ITIH2: variants seen among roughly 807,000 people sequenced by gnomAD.
ITIH2 encodes the protein inter-alpha-trypsin inhibitor heavy chain 2.
ITIH2 carries 103 observed loss-of-function variants against 104.4 expected under a neutral mutation model. The observed-to-expected ratio is 0.99, with a 90% confidence interval of 0.84 to 1.16. The LOEUF is 1.16. ITIH2 is among the 50% of genes most tolerant of loss of function. The pLI is 0.00. For synonymous variants in ITIH2, 436 were observed against 435.4 expected, an observed-to-expected ratio of 1.00 and a Z score of -0.02; for missense variants, 1,108 against 1,162.4, an observed-to-expected ratio of 0.95 and a Z score of 0.68.
In ITIH2 at chr10:7,749,513, A is replaced by G. The variant is rs1251526703; in HGVS notation, c.*179A>G. 1 of 519,666 alleles carries G rather than the reference A, an allele frequency of 1.9e-6. No homozygotes were observed. The highest frequency in any genetic ancestry group is 1.9e-5 in the African/African-American group (1 of 52,206). The allele number at this position is 519,666 out of a possible 1,614,324, so 32.2% of individuals were successfully genotyped here. A position where few individuals can be genotyped will look rare whatever the true frequency, so the allele number is the denominator to read the frequency against. On this transcript the variant is annotated 3_prime_UTR_variant, in exon 21 of 21. Transcript: ENST00000358415. ...ACACACCTAAGAAAATAAACATTTT[A>G]CAAATGAGCTTTTAGGATTTTGTTG...
In ITIH2 at chr10:7,719,782, A is replaced by AAAAAAAAC. The variant is rs754890159; in HGVS notation, c.631-1073_631-1072insAAAAAACA. ...TCTCAAAAAAAAAAAAAAAAAAAAAAAGAAAGAAAGAAAAGAAAAAATAGC... is the reference window on the plus strand; with the variant it reads ...TCTCAAAAAAAAAAAAAAAAAAAAAAAAAAAAACAGAAAGAAAGAAAAGAAAAAATAGC... On this transcript the variant is annotated intron_variant, in intron 6 of 20. Transcript: ENST00000358415. 1.6e-4 allele frequency among the ~76,000 whole-genome samples: 22 copies of AAAAAAAAC among 137,146 alleles called. 1 individual carries two copies. The highest frequency in any genetic ancestry group is 6.0e-4 in the African/African-American group (21 of 34,946). The allele number at this position is 137,146 out of a possible 152,430, so 90.0% of individuals were successfully genotyped here. A position where few individuals can be genotyped will look rare whatever the true frequency, so the allele number is the denominator to read the frequency against.
intron 4 of ITIH2, among the ~76,000 whole-genome samples, chr10:7,711,397 G>T (rs191642998): frequency 6.6e-6 from 1 of 152,102 alleles, no homozygotes; most frequent in African/African-American, 2.4e-5. Flanking sequence ...ATCTCCCTCT[G>T]CTCTGAGCTG....
At chr10:7,731,021 C>T (rs532210521) in intron 12 of ITIH2, among the ~76,000 whole-genome samples, 9 of 152,248 alleles carry the variant, frequency 5.9e-5, no homozygotes, top group South Asian at 2.1e-4. Context: ...TGGGTTCAGG[C>T]GATTCTCGCA....
intron 3 of ITIH2, among the ~76,000 whole-genome samples, chr10:7,708,608 A>T (rs1471577135): frequency 6.6e-6 from 1 of 152,152 alleles, no homozygotes; most frequent in Non-Finnish European, 1.5e-5. Flanking sequence ...TGTGACCCCT[A>T]CTAAAGATAC....
chr10:7,729,720 GT>G, intron 11 of ITIH2: 1 of 422,980 alleles, frequency 2.4e-6, no homozygotes, highest in Non-Finnish European at 4.2e-6. Flanking sequence ...TATTTATGTT[GT>G]TTCCAATATG....
chr10:7,738,558 T>C, intron 15 of ITIH2, 63 bp from the exon 16 acceptor site: 1 of 1,585,730 alleles, frequency 6.3e-7, no homozygotes, highest in South Asian at 1.1e-5. Context: ...ATTCTTGACA[T>C]GGTGAGCAAT....
At chr10:7,717,811 G>A in intron 6 of ITIH2, 23 bp downstream of exon 6, 1 of 1,595,014 alleles carries the variant, frequency 6.3e-7, no homozygotes, top group East Asian at 2.3e-5. Context: ...CTGTAGGGTG[G>A]GCAGTGACAC....
chr10:7,747,109 GCTTT>G (rs1835185438), intron 20 of ITIH2, among the ~76,000 whole-genome samples: 1 of 152,164 alleles, frequency 6.6e-6, no homozygotes, highest in South Asian at 2.1e-4. Flanking sequence ...ATCTCTGACT[GCTTT>G]TTTTGTAGCT....
chr10:7,705,242 A>G, intron 2 of ITIH2, 60 bp downstream of exon 2: 1 of 1,200,840 alleles, frequency 8.3e-7, no homozygotes, highest in East Asian at 2.3e-5. Flanking sequence ...TGGCAGAAGA[A>G]GACAAGTGTT....
chr10:7,741,351 T>A (rs780141560), intron 16 of ITIH2, among the ~76,000 whole-genome samples: 3 of 152,040 alleles, frequency 2.0e-5, no homozygotes, highest in Non-Finnish European at 4.4e-5. Flanking sequence ...GCTAATTTTT[T>A]GTATTTTTAG....
At chr10:7,705,841 G>C (rs2131150844) in intron 2 of ITIH2, among the ~76,000 whole-genome samples, 1 of 152,092 alleles carries the variant, frequency 6.6e-6, no homozygotes, top group Middle Eastern at 3.4e-3. Context: ...ACTCCCCCTT[G>C]CAGCCTCACA....
Position 7,738,772 on chromosome 10 carries a change from A to G in ITIH2, c.2095+14A>G, listed in dbSNP as rs751146840. On this transcript the variant is annotated intron_variant, in intron 16 of 20. Coordinates refer to ENST00000358415, the MANE Select transcript of ITIH2 (RefSeq NM_002216.3). ...ATGTGATGAGAGGTAACGCTTCTAC[A>G]CTGCTTGCACGTCCCAGAACTCAGC... is the stretch of plus-strand genomic sequence containing the variant. The G allele has an allele frequency of 2.5e-6, 4 of 1,577,942 alleles. No homozygotes were observed. Among genetic ancestry groups the G allele is most frequent in the South Asian group, 2.3e-5 (2 of 86,456 alleles).
chr10:7,733,275 A>G (rs1422915135), intron 14 of ITIH2, among the ~76,000 whole-genome samples: 1 of 151,694 alleles, frequency 6.6e-6, no homozygotes, highest in East Asian at 2.0e-4. Flanking sequence ...AGATTCATCC[A>G]TGTTGCTTCA....
At position 7,721,633 on chromosome 10, in the gene ITIH2, T is replaced by G. The variant is rs1447749969; in HGVS notation, c.739-16T>G. The G allele has an allele frequency of 6.2e-7, 1 of 1,611,656 alleles. No individual in the cohort carries two copies. The highest frequency in any genetic ancestry group is 2.2e-5 in the East Asian group (1 of 44,862). ...GGGGCTAGAGGCAGAGGCTCTGATG[T>G]CACCGTTCTTTCTAGGCGCACGTCT... On this transcript the variant is annotated splice_polypyrimidine_tract_variant and intron_variant, in intron 7 of 20. Transcript: ENST00000358415.
chr10:7,732,537 T>C, intron 14 of ITIH2, 60 bp downstream of exon 14: 1 of 1,563,340 alleles, frequency 6.4e-7, no homozygotes, highest in Non-Finnish European at 8.7e-7. Context: ...CCACCGTGAA[T>C]ATATGAAGTC....
Position 7,727,081 on chromosome 10 carries a change from T to A in ITIH2, c.1116T>A (p.Asp372Glu), listed in dbSNP as rs201049656. Residue 372 changes from aspartate to glutamate, a missense_variant, in exon 10 of 21, where the codon GAT (aspartate) becomes GAA (glutamate). Physicochemically the swap from Asp to Glu is conservative, Grantham distance 45 (BLOSUM62 2). Coordinates refer to ENST00000358415, the MANE Select transcript of ITIH2 (RefSeq NM_002216.3). ...LISATKTQVA[D>E]AKRYIEKIQP... is the part of the protein sequence containing the mutation. ...CAGCTACAAAAACACAGGTTGCAGA[T>A]GCCAAGAGGTATATTGAGAAAATCC... is the stretch of plus-strand genomic sequence containing the variant. 1.9e-5 allele frequency: 31 copies of A among 1,614,052 alleles called. No homozygotes were observed. The highest frequency in any genetic ancestry group is 2.4e-5 in the Non-Finnish European group (28 of 1,179,998).
At position 7,739,952 on chromosome 10, in the gene ITIH2, G is replaced by A. The variant is rs555198888; in HGVS notation, c.2095+1194G>A. Reference sequence around the variant, plus strand: ...TGTAATCCCAGCACTTTGGGAGGCCGAGGAGGGCAGATCACTTGAGGTCAG... The same window carrying A: ...TGTAATCCCAGCACTTTGGGAGGCCAAGGAGGGCAGATCACTTGAGGTCAG... On this transcript the variant is annotated intron_variant, in intron 16 of 20. Transcript: ENST00000358415. 2.4e-4 allele frequency among the ~76,000 whole-genome samples: 36 copies of A among 152,160 alleles called. No individual in the cohort carries two copies. The Middle Eastern group carries it at 0.017, about 72-fold the overall frequency.
chr10:7,726,921 G>T, intron 9 of ITIH2, 29 bp from the exon 10 acceptor site: 2 of 1,528,356 alleles, frequency 1.3e-6, no homozygotes, highest in Non-Finnish European at 1.8e-6. Flanking sequence ...TTCTGTAATG[G>T]GACCTGTCTT....
Position 7,737,675 on chromosome 10 carries a change from T to TAGA in ITIH2, c.1958-945_1958-944insGAA, listed in dbSNP as rs1284833314. The stretch of plus-strand genomic sequence containing the variant: ...ATATTATATTCTATATTATATTCTA[T>TAGA]ATTTTCTATATTATATTCTATATAA... On this transcript the variant is annotated intron_variant, in intron 15 of 20. Transcript: ENST00000358415. 4.8e-3 allele frequency among the ~76,000 whole-genome samples: 115 copies of TAGA among 24,206 alleles called. 46 individuals carry two copies. Among genetic ancestry groups the TAGA allele is most frequent in the Middle Eastern group, 0.083 (2 of 24 alleles). The allele number at this position is 24,206 out of a possible 152,430, so 15.9% of individuals were successfully genotyped here. A position where few individuals can be genotyped will look rare whatever the true frequency, so the allele number is the denominator to read the frequency against.
Sources: gnomAD v4.1 joint callset for allele counts (sites outside exome capture counted in the v4.1 genomes callset) on GRCh38, gnomAD v4.1.1 for gene constraint, MANE v1.5 for transcripts, NCBI Gene and HGNC (gene_info 2026-07-23, HGNC 2026-07-21) for gene names.